The following TENM2 variants were observed in gnomAD, a reference collection of about 807,000 sequenced individuals.
TENM2 encodes the protein teneurin-2.
TENM2 carries 52 observed loss-of-function variants against 245.2 expected under a neutral mutation model. The observed-to-expected ratio is 0.21, with a 90% CI of 0.17 to 0.27. TENM2 has a LOEUF of 0.27. TENM2 is among the 10% of genes least tolerant of loss of function. TENM2 has a pLI of 1.00. For missense variants in TENM2, 3,046 were observed against 3,666.8 expected (o/e 0.83, Z 4.37); for synonymous variants, 1,363 against 1,438.9 (o/e 0.95, Z 1.19).
intron 15 of TENM2, among the ~76,000 whole-genome samples, chr5:168,196,143 A>T (rs1254753648): frequency 6.6e-6 from 1 of 152,194 alleles, no homozygotes; most frequent in Non-Finnish European, 1.5e-5. Context: ...GATGTATCAC[A>T]GAAGTAAGAA....
intron 2 of TENM2, among the ~76,000 whole-genome samples, chr5:167,683,264 C>CTTTAA (rs1756860288): frequency 2.4e-5 from 2 of 82,166 alleles, no homozygotes; most frequent in African/African-American, 1.5e-4. Flanking sequence ...TTTTTTTCCC[C>CTTTAA]CCCTGGGCAT....
chr5:167,520,107 G>T (rs917976855), intron 2 of TENM2, among the ~76,000 whole-genome samples: 1 of 152,164 alleles, frequency 6.6e-6, no homozygotes, highest in African/African-American at 2.4e-5. Context: ...AATCATACCA[G>T]ATATTTAATC....
At chr5:167,566,300 G>A (rs1001197564) in intron 2 of TENM2, among the ~76,000 whole-genome samples, 4 of 151,970 alleles carry the variant, frequency 2.6e-5, no homozygotes, top group Admixed American at 1.3e-4. Context: ...TAGATGTCAC[G>A]TACTCTGAGA....
chr5:167,026,931 A>G, the TENM2 span, among the ~76,000 whole-genome samples: 1 of 152,034 alleles, frequency 6.6e-6, no homozygotes, highest in African/African-American at 2.4e-5. Flanking sequence ...TTTTCAGACT[A>G]GTCAGCGTTT....
intron 4 of TENM2, among the ~76,000 whole-genome samples, chr5:167,975,147 C>T (rs754635574): frequency 1.3e-5 from 2 of 152,250 alleles, no homozygotes; most frequent in South Asian, 2.1e-4. Context: ...TACCATGCCT[C>T]GGCTTGTCCA....
At chr5:167,711,880 C>A (rs1415410873) in intron 2 of TENM2, among the ~76,000 whole-genome samples, 1 of 152,206 alleles carries the variant, frequency 6.6e-6, no homozygotes. Context: ...TTCAGAGTAA[C>A]TTATTTCAGA....
At chr5:167,926,763 C>CACACACAA (rs1554147379) in intron 3 of TENM2, among the ~76,000 whole-genome samples, 1 of 144,912 alleles carries the variant, frequency 6.9e-6, no homozygotes, top group African/African-American at 2.7e-5. Flanking sequence ...CACACACACA[C>CACACACAA]AAGACCTTAG....
chr5:167,044,499 G>A, the TENM2 span, among the ~76,000 whole-genome samples: 2 of 152,302 alleles, frequency 1.3e-5, no homozygotes, highest in South Asian at 2.1e-4. Context: ...ATATGGGTTA[G>A]CAATCCAGGT....
intron 2 of TENM2, among the ~76,000 whole-genome samples, chr5:167,807,226 C>CA (rs1766270494): frequency 7.1e-6 from 1 of 141,040 alleles, no homozygotes; most frequent in Non-Finnish European, 1.5e-5. Context: ...TAGCTGAGGG[C>CA]AAAAGACTTT....
chr5:167,998,922 A>G (rs988028223), intron 5 of TENM2, among the ~76,000 whole-genome samples: 3 of 152,362 alleles, frequency 2.0e-5, no homozygotes, highest in African/African-American at 7.2e-5. Flanking sequence ...AAAGCCTACC[A>G]TGTGTTTAAA....
At chr5:167,760,180 T>C (rs1762571770) in intron 2 of TENM2, among the ~76,000 whole-genome samples, 1 of 152,188 alleles carries the variant, frequency 6.6e-6, no homozygotes, top group African/African-American at 2.4e-5. Flanking sequence ...ATGGCTTTGC[T>C]CCTGGTCTTC....
intron 2 of TENM2, among the ~76,000 whole-genome samples, chr5:167,422,576 T>C (rs776275383): frequency 6.6e-6 from 1 of 152,212 alleles, no homozygotes; most frequent in Admixed American, 6.5e-5. Flanking sequence ...ATGATTCTTA[T>C]GTTTATTTTA....
intron 2 of TENM2, chr5:167,659,930 A>G (rs1399836380): frequency 6.6e-6 from 1 of 152,190 alleles, no homozygotes; most frequent in Non-Finnish European, 1.5e-5. Flanking sequence ...ACTTATTTAA[A>G]TCATTTTTAA....
At chr5:167,412,336 C>T (rs1474086683) in intron 2 of TENM2, among the ~76,000 whole-genome samples, 1 of 152,012 alleles carries the variant, frequency 6.6e-6, no homozygotes. Context: ...GGAAATTCTT[C>T]GGCCCCACTC....
chr5:167,028,090 A>AAAG, the TENM2 span, among the ~76,000 whole-genome samples: 22 of 151,400 alleles, frequency 1.5e-4, no homozygotes, highest in Middle Eastern at 3.4e-3. Flanking sequence ...AAAAAAAAAA[A>AAAG]AGTTACGTAG....
At chr5:166,992,247 A>G in the TENM2 span, among the ~76,000 whole-genome samples, 2 of 152,318 alleles carry the variant, frequency 1.3e-5, no homozygotes, top group Middle Eastern at 3.4e-3. Flanking sequence ...TCTACTTCTT[A>G]TTGTAAACAA....
chr5:167,814,266 C>T (rs1046059608), intron 2 of TENM2, among the ~76,000 whole-genome samples: 7 of 151,958 alleles, frequency 4.6e-5, no homozygotes, highest in African/African-American at 1.7e-4. Context: ...AAATAAATAG[C>T]ATTTTAACAC....
intron 2 of TENM2, among the ~76,000 whole-genome samples, chr5:167,614,076 T>C (rs1282399103): frequency 6.6e-6 from 1 of 152,116 alleles, no homozygotes; most frequent in Admixed American, 6.6e-5. Context: ...CTTGTCCAAA[T>C]TTACTTGCTT....
At chr5:167,378,435 A>T (rs1386039056) in intron 2 of TENM2, among the ~76,000 whole-genome samples, 1 of 141,626 alleles carries the variant, frequency 7.1e-6, no homozygotes, top group Non-Finnish European at 1.5e-5. Flanking sequence ...ACACTCATTG[A>T]TTTAGCCTCT....
Sources: gnomAD v4.1 joint callset for allele counts (sites outside exome capture counted in the v4.1 genomes callset) on GRCh38, gnomAD v4.1.1 for gene constraint, MANE v1.5 for transcripts, NCBI Gene and HGNC (gene_info 2026-07-23, HGNC 2026-07-21) for gene names.